Variants in ARFGEF2 observed in about 807,000 individuals in gnomAD.
The protein encoded by ARFGEF2 is brefeldin A-inhibited guanine nucleotide-exchange protein 2.
A neutral mutation model predicts 219.9 loss-of-function variants in ARFGEF2; 74 were observed. The observed-to-expected ratio is 0.34, with a 90% confidence interval of 0.28 to 0.41. ARFGEF2 has a LOEUF of 0.41. Ranked by LOEUF, ARFGEF2 falls within the 10% of genes least tolerant of loss-of-function variation. The pLI, the probability that ARFGEF2 is intolerant of heterozygous loss-of-function variation, is 1.00. For missense variants in ARFGEF2, 1,743 were observed against 2,218.3 expected (o/e 0.79, Z 4.30); for synonymous variants, 733 against 799.2 (o/e 0.92, Z 1.40).
rs751469616 is a variant in ARFGEF2 at position 49,013,992 on chromosome 20, T to C, written c.4179+32T>C. 3.1e-6 allele frequency: 5 copies of C among 1,613,194 alleles called. No individual in the cohort carries two copies. The African/African-American group carries it at 4.0e-5, about 13-fold the overall frequency. ...GATAACTACAGCACTGCCCTAGGTA[T>C]GATGGAGAGGAAAGCCTTTCTGGCC... On this transcript the variant is annotated intron_variant, in intron 30 of 38. Transcript: ENST00000371917.
intron 1 of ARFGEF2, 152 bp downstream of exon 1, chr20:48,922,162 G>A (rs985258128): frequency 3.1e-6 from 4 of 1,310,724 alleles, no homozygotes; most frequent in East Asian, 2.7e-5. Context: ...ACCCCCGGAG[G>A]AAGTGTTGCC....
intron 26 of ARFGEF2, among the ~76,000 whole-genome samples, chr20:49,007,592 CTTT>C (rs752508908): frequency 2.0e-5 from 2 of 97,842 alleles, no homozygotes; most frequent in African/African-American, 7.8e-5. Flanking sequence ...CCTGGTGTTG[CTTT>C]TTTTTTTTTT....
At chr20:48,997,822 A>C (rs2091401463) in intron 23 of ARFGEF2, among the ~76,000 whole-genome samples, 1 of 152,158 alleles carries the variant, frequency 6.6e-6, no homozygotes, top group Admixed American at 6.6e-5. Context: ...GTACTAAGAC[A>C]GAAGCAGAAT....
chr20:48,972,933 C>A (rs1252258503), intron 11 of ARFGEF2, among the ~76,000 whole-genome samples: 1 of 152,150 alleles, frequency 6.6e-6, no homozygotes, highest in East Asian at 1.9e-4. Flanking sequence ...GTGGAATGAA[C>A]TGCCTGAGAT....
At chr20:49,014,263 A>C (rs1317840910) in intron 30 of ARFGEF2, among the ~76,000 whole-genome samples, 1 of 151,850 alleles carries the variant, frequency 6.6e-6, no homozygotes, top group Admixed American at 6.6e-5. Flanking sequence ...TGTTTTGTTC[A>C]TATCAACCTC....
At chr20:48,986,410 C>T (rs1249399594) in intron 16 of ARFGEF2, among the ~76,000 whole-genome samples, 1 of 152,072 alleles carries the variant, frequency 6.6e-6, no homozygotes, top group African/African-American at 2.4e-5. Flanking sequence ...GGGCAGATCA[C>T]TTGGGGTCAG....
chr20:48,940,332 A>G (rs908679845), intron 1 of ARFGEF2, among the ~76,000 whole-genome samples: 2 of 152,240 alleles, frequency 1.3e-5, no homozygotes, highest in Admixed American at 1.3e-4. Flanking sequence ...TAGGTTATGT[A>G]TATTTTATTA....
chr20:48,971,916 C>T (rs2091230963), intron 10 of ARFGEF2, among the ~76,000 whole-genome samples: 1 of 152,116 alleles, frequency 6.6e-6, no homozygotes, highest in African/African-American at 2.4e-5. Context: ...AAAAAAGTTA[C>T]TGCCCCCGGA....
In ARFGEF2 at chr20:49,016,382, G is replaced by A. The variant is rs759412939; in HGVS notation, c.4282G>A (p.Val1428Ile). 52 of 1,613,516 alleles carry A rather than the reference G, an allele frequency of 3.2e-5. No homozygotes were observed. Among genetic ancestry groups the A allele is most frequent in the Non-Finnish European group, 4.0e-5 (47 of 1,179,952 alleles). ...EALNEVLLSD[V>I]FAQLQWCVKQ... ...TTTGAATGAAGTTCTTCTTTCTGAT[G>A]TATTTGCACAATTGCAGTGGTGTGT... The change falls in exon 31 of 39, where the codon GTA becomes ATA. Residue 1428 changes from valine (V) to isoleucine (I), a missense_variant. Physicochemically the swap from Val to Ile is conservative, Grantham distance 29. This residue lies in a region of ARFGEF2 where 578 missense variants were observed against 664.0 expected (regional missense o/e 0.87). Transcript: ENST00000371917.
intron 34 of ARFGEF2, among the ~76,000 whole-genome samples, chr20:49,021,052 G>A (rs1451858950): frequency 6.6e-6 from 1 of 151,548 alleles, no homozygotes; most frequent in Non-Finnish European, 1.5e-5. Flanking sequence ...GAACTCCACT[G>A]TATTAAAAAA....
At chr20:48,989,996 A>G (rs1316023188) in intron 20 of ARFGEF2, among the ~76,000 whole-genome samples, 1 of 152,210 alleles carries the variant, frequency 6.6e-6, no homozygotes, top group African/African-American at 2.4e-5. Context: ...CCTAACCAAC[A>G]TGGAGAAACC....
chr20:49,033,091 G>A lies in ARFGEF2; in HGVS notation c.5250G>A (p.Glu1750=), dbSNP rs747653728. The A allele has an allele frequency of 1.5e-5, 25 of 1,614,076 alleles. No homozygotes were observed. Among genetic ancestry groups the A allele is most frequent in the Non-Finnish European group, 2.1e-5 (25 of 1,180,034 alleles). ...CEIMQFDLIP[E]LRAVLRKFFL... is the part of the protein sequence containing the mutation. ...TTATGCAGTTTGACCTGATCCCTGA[G>A]CTCCGAGCAGTTCTGCGGAAGTTCT... Residue 1750 remains glutamate (E), a synonymous_variant, in exon 39 of 39, where the codon GAG becomes GAA. Transcript: ENST00000371917.
rs542075654 is a variant in ARFGEF2 at position 48,993,428 on chromosome 20, C to G, written c.2974-1023C>G. The stretch of plus-strand genomic sequence containing the variant: ...TGTGTGAAGAAATCAGGGGATGATT[C>G]TCTTTGGTGGAATTAAGTCTATTTC... On this transcript the variant is annotated intron_variant, in intron 21 of 38. Coordinates refer to ENST00000371917, the MANE Select transcript of ARFGEF2 (RefSeq NM_006420.3). 7.0e-4 allele frequency among the ~76,000 whole-genome samples: 107 copies of G among 152,250 alleles called. 1 individual carries two copies. Among genetic ancestry groups the G allele is most frequent in the South Asian group, 1.7e-3 (8 of 4,824 alleles).
rs2090933227 is a variant in ARFGEF2 at position 48,934,329 on chromosome 20, T to G, written c.122-6870T>G. 1.3e-5 allele frequency among the ~76,000 whole-genome samples: 2 copies of G among 151,790 alleles called. 1 individual carries two copies. Among genetic ancestry groups the G allele is most frequent in the African/African-American group, 4.8e-5 (2 of 41,294 alleles). On this transcript the variant is annotated intron_variant, in intron 1 of 38. Coordinates refer to ENST00000371917, the MANE Select transcript of ARFGEF2 (RefSeq NM_006420.3). ...CTTTTTCGCTGTTCCTTTTTCTCCC[T>G]CCGTTTAAAAAAAAAATTATTACAC...
chr20:48,963,833 C>T lies in ARFGEF2; in HGVS notation c.842C>T (p.Thr281Ile). ...PRERGSSLSG[T>I]DDGAQEVVKD... ...GTATATTTGGATGTGTGTGTAGGGA[C>T]TGATGACGGAGCCCAGGAGGTGGTG... The change falls in exon 7 of 39, where the codon ACT becomes ATT. Residue 281 changes from threonine to isoleucine, a missense_variant. Thr to Ile is a moderately conservative substitution (Grantham distance 89). Around this residue, in one of 5 missense-constraint regions of ARFGEF2, gnomAD observed 394 missense variants for 426.6 expected, o/e 0.92. Coordinates refer to ENST00000371917, the MANE Select transcript of ARFGEF2 (RefSeq NM_006420.3). The T allele has an allele frequency of 6.2e-7, 1 of 1,613,846 alleles. No homozygotes were observed. Among genetic ancestry groups the T allele is most frequent in the South Asian group, 1.1e-5 (1 of 91,062 alleles).
At chr20:49,011,567 G>T (rs1340445707) in intron 27 of ARFGEF2, among the ~76,000 whole-genome samples, 1 of 152,176 alleles carries the variant, frequency 6.6e-6, no homozygotes, top group Non-Finnish European at 1.5e-5. Context: ...AGGAGTCCTG[G>T]GTTCTGCCTG....
Position 49,033,182 on chromosome 20 carries a change from CTG to C in ARFGEF2, c.5343_5344del (p.Ser1782ThrfsTer29), listed in dbSNP as rs1379476956. On this transcript the variant is annotated frameshift_variant, in exon 39 of 39. Transcript: ENST00000371917. LOFTEE classifies it high-confidence loss of function. The stretch of plus-strand genomic sequence containing the variant: ...AGAGCCATCACAGGTACCAGCAGCA[CTG>C]TCACCAGTGTGGTAGCCCTGGCTGC... The part of the protein sequence containing the change: ...PEEPSQVPAA[L>X]SPVW 7.4e-6 allele frequency: 12 copies of C among 1,614,230 alleles called. No individual in the cohort carries two copies. The highest frequency in any genetic ancestry group is 1.0e-5 in the Non-Finnish European group (12 of 1,180,040).
At chr20:49,023,625 G>A (rs1379301843) in intron 35 of ARFGEF2, among the ~76,000 whole-genome samples, 4 of 149,158 alleles carry the variant, frequency 2.7e-5, no homozygotes, top group Admixed American at 6.8e-5. Context: ...TGCAAGCTCC[G>A]CCTCCTGGGT....
intron 3 of ARFGEF2, among the ~76,000 whole-genome samples, chr20:48,949,541 C>T (rs1224217047): frequency 6.6e-6 from 1 of 152,166 alleles, no homozygotes; most frequent in Non-Finnish European, 1.5e-5. Flanking sequence ...ACTTGAGCAG[C>T]AGAGTGTACG....
Sources: gnomAD v4.1 joint callset for allele counts (sites outside exome capture counted in the v4.1 genomes callset) on GRCh38, gnomAD v4.1.1 for gene constraint, gnomAD v4.1.1 regional missense constraint, MANE v1.5 for transcripts, NCBI Gene and HGNC (gene_info 2026-07-23, HGNC 2026-07-21) for gene names.